PTPRD: variants seen among roughly 807,000 people sequenced by gnomAD.
The protein encoded by PTPRD is receptor-type tyrosine-protein phosphatase delta.
In PTPRD, 34 loss-of-function variants were observed where a neutral mutation model predicts 214.5. The observed-to-expected ratio is 0.16, with a 90% CI of 0.12 to 0.21. The LOEUF (loss-of-function observed/expected upper bound fraction) is 0.21, where lower values mean the gene tolerates loss of function less well. Among genes scored for constraint, PTPRD ranks in the 10% least tolerant of loss-of-function variants. The pLI, the probability that PTPRD is intolerant of heterozygous loss-of-function variation, is 1.00. For synonymous variants in PTPRD, 1,128 were observed against 845.7 expected (o/e 1.33, Z -5.79); for missense variants, 2,545 against 2,398.7 (o/e 1.06, Z -1.27).
chr9:9,768,104 A>C (rs1038219823), intron 5 of PTPRD, among the ~76,000 whole-genome samples: 2 of 152,136 alleles, frequency 1.3e-5, no homozygotes, highest in Non-Finnish European at 2.9e-5. Context: ...CATATATAAA[A>C]TCCCCTAGGC....
At chr9:9,264,278 A>G (rs1438605688) in intron 9 of PTPRD, among the ~76,000 whole-genome samples, 6 of 151,676 alleles carry the variant, frequency 4.0e-5, no homozygotes, top group Admixed American at 3.3e-4. Context: ...CTGAGTTATA[A>G]CAGAACACAG....
intron 8 of PTPRD, among the ~76,000 whole-genome samples, chr9:9,467,234 T>TTTTTTTTTTTTTTTTTTC (rs1569568586): frequency 1.6e-5 from 2 of 123,054 alleles, no homozygotes; most frequent in African/African-American, 2.9e-5. Context: ...TTTTTTTTTT[T>TTTTTTTTTTTTTTTTTTC]TTTAACCTAA....
At chr9:8,974,084 G>A (rs1291647798) in intron 11 of PTPRD, among the ~76,000 whole-genome samples, 2 of 151,986 alleles carry the variant, frequency 1.3e-5, no homozygotes, top group East Asian at 1.9e-4. Flanking sequence ...TGTTTTTGTT[G>A]CAATTACTTT....
At chr9:8,925,626 T>C (rs963763605) in intron 11 of PTPRD, among the ~76,000 whole-genome samples, 2 of 124,202 alleles carry the variant, frequency 1.6e-5, no homozygotes, top group African/African-American at 6.6e-5. Flanking sequence ...TGCATGGAGA[T>C]CCTCAAAAGA....
At chr9:9,853,437 C>A (rs2060925233) in intron 5 of PTPRD, among the ~76,000 whole-genome samples, 1 of 152,226 alleles carries the variant, frequency 6.6e-6, no homozygotes, top group African/African-American at 2.4e-5. Context: ...ATTTGACTCA[C>A]AGACAATATA....
intron 2 of PTPRD, among the ~76,000 whole-genome samples, chr9:10,532,705 G>A (rs1444329654): frequency 6.6e-6 from 1 of 150,612 alleles, no homozygotes; most frequent in East Asian, 1.9e-4. Flanking sequence ...TAAATAGCAG[G>A]TTTTATTCTT....
chr9:10,195,265 T>C (rs936561016), intron 3 of PTPRD, among the ~76,000 whole-genome samples: 1 of 152,136 alleles, frequency 6.6e-6, no homozygotes, highest in African/African-American at 2.4e-5. Flanking sequence ...TGTCTCACTT[T>C]CCTCATTTGG....
At chr9:8,633,049 C>G (rs2096302638) in intron 14 of PTPRD, among the ~76,000 whole-genome samples, 1 of 151,922 alleles carries the variant, frequency 6.6e-6, no homozygotes, top group South Asian at 2.1e-4. Context: ...TTTCTAGATG[C>G]TCTGCCAAAA....
chr9:8,427,614 G>C (rs866422879), intron 35 of PTPRD, among the ~76,000 whole-genome samples: 1 of 151,948 alleles, frequency 6.6e-6, no homozygotes, highest in Non-Finnish European at 1.5e-5. Flanking sequence ...AGTGATAATT[G>C]CACTGGTTTA....
At chr9:9,738,104 A>T (rs2761729) in intron 6 of PTPRD, among the ~76,000 whole-genome samples, 1 of 150,874 alleles carries the variant, frequency 6.6e-6, no homozygotes, top group South Asian at 2.1e-4. Context: ...GCCTGTTGTG[A>T]GGTGGGGGGA....
chr9:10,201,740 T>C (rs963412385), intron 3 of PTPRD, among the ~76,000 whole-genome samples: 2 of 152,102 alleles, frequency 1.3e-5, no homozygotes, highest in Non-Finnish European at 2.9e-5. Context: ...CAAACATATA[T>C]GTAAGCATCA....
chr9:9,453,192 A>G (rs886137826), intron 8 of PTPRD, among the ~76,000 whole-genome samples: 1 of 151,530 alleles, frequency 6.6e-6, no homozygotes, highest in Non-Finnish European at 1.5e-5. Flanking sequence ...GTTATGCCGG[A>G]CATATTTGTT....
chr9:9,210,752 G>C (rs958039003), intron 9 of PTPRD, among the ~76,000 whole-genome samples: 1 of 151,702 alleles, frequency 6.6e-6, no homozygotes, highest in Non-Finnish European at 1.5e-5. Context: ...CTTTCTCTTT[G>C]GCCAGGAAAC....
At chr9:9,333,508 A>G (rs943573884) in intron 9 of PTPRD, among the ~76,000 whole-genome samples, 2 of 144,278 alleles carry the variant, frequency 1.4e-5, no homozygotes, top group African/African-American at 5.2e-5. Flanking sequence ...AGTATATTAT[A>G]TATATATATA....
At chr9:9,126,154 T>C (rs578135287) in intron 10 of PTPRD, among the ~76,000 whole-genome samples, 10 of 152,200 alleles carry the variant, frequency 6.6e-5, no homozygotes, top group Non-Finnish European at 1.5e-4. Flanking sequence ...GGAAACTCTT[T>C]GTAGGATTTT....
intron 8 of PTPRD, among the ~76,000 whole-genome samples, chr9:9,430,915 A>T (rs1188079213): frequency 6.6e-6 from 1 of 152,232 alleles, no homozygotes; most frequent in Non-Finnish European, 1.5e-5. Flanking sequence ...AGATGGATTA[A>T]AGACTTAAAT....
chr9:9,629,557 C>G (rs761139637), intron 7 of PTPRD, among the ~76,000 whole-genome samples: 1 of 152,124 alleles, frequency 6.6e-6, no homozygotes, highest in African/African-American at 2.4e-5. Flanking sequence ...AAATACTTCA[C>G]TTTAAAATTC....
At chr9:10,201,120 A>G (rs184618072) in intron 3 of PTPRD, among the ~76,000 whole-genome samples, 351 of 152,086 alleles carry the variant, frequency 2.3e-3, no homozygotes, top group African/African-American at 7.8e-3. Flanking sequence ...GGCACATCTG[A>G]CTCTTGCTTG....
Position 8,907,533 on chromosome 9 carries a change from A to AAAAT in PTPRD, c.-104+111163_-104+111164insATTT, listed in dbSNP as rs3046919. 1.9e-3 allele frequency among the ~76,000 whole-genome samples: 219 copies of AAAAT among 118,208 alleles called. 1 individual carries two copies. Among genetic ancestry groups the AAAAT allele is most frequent in the African/African-American group, 6.6e-3 (200 of 30,098 alleles). The allele number at this position is 118,208 out of a possible 152,430, so 77.5% of individuals were successfully genotyped here. On this transcript the variant is annotated intron_variant, in intron 11 of 45. Transcript: ENST00000381196. ...ACTCCGTCTCAAAAAAAAAAAAAAA[A>AAAAT]ATATATATATATATATATATAAAGA... is the stretch of plus-strand genomic sequence containing the variant.
Sources: allele counts gnomAD v4.1 joint callset (sites outside exome capture counted in the v4.1 genomes callset), GRCh38; gene constraint gnomAD v4.1.1; transcripts MANE v1.5; gene names NCBI Gene and HGNC (gene_info 2026-07-23, HGNC 2026-07-21).